The following RPL31 variants were observed in gnomAD, a reference collection of about 807,000 sequenced individuals.
The protein encoded by RPL31 is large ribosomal subunit protein eL31.
For synonymous variants in RPL31, 51 were observed against 55.0 expected, an observed-to-expected ratio of 0.93 and a Z score of 0.32; for missense variants, 95 against 164.0, an observed-to-expected ratio of 0.58 and a Z score of 2.30.
intron 3 of RPL31, chr2:101,005,607 T>G: frequency 4.2e-6 from 1 of 236,704 alleles, no homozygotes; most frequent in Non-Finnish European, 8.2e-6. Flanking sequence ...ACCATGCCGT[T>G]TCTTCATATT....
At chr2:101,008,061 T>C, downstream of RPL31, 7 of 1,613,942 alleles carry the variant, frequency 4.3e-6, no homozygotes, top group South Asian at 2.2e-5. Context: ...TCCCAGTGTC[T>C]GCAAAAACCG....
chr2:101,018,049 C>A (rs546308943), intron 4 of RPL31: 202 of 980,020 alleles, frequency 2.1e-4, no homozygotes, highest in Admixed American at 5.3e-4. Context: ...TTTTCACTGA[C>A]AAATGTAATG....
chr2:101,019,120 C>G, exon 5 of RPL31: 1 of 1,543,304 alleles, frequency 6.5e-7, no homozygotes, highest in Non-Finnish European at 8.8e-7. Flanking sequence ...CCTTTACAAC[C>G]AAGCTCACCG....
At chr2:101,004,562 G>A in intron 3 of RPL31, 2 of 443,318 alleles carry the variant, frequency 4.5e-6, no homozygotes, top group East Asian at 3.4e-5. Flanking sequence ...GCGGGGTGGT[G>A]AACGCAGGTA....
intron 4 of RPL31, among the ~76,000 whole-genome samples, chr2:101,013,784 T>C (rs910155039): frequency 1.3e-5 from 2 of 152,228 alleles, no homozygotes; most frequent in African/African-American, 4.8e-5. Flanking sequence ...AGAATTCACA[T>C]ATGGCTTTGA....
At chr2:101,017,709 T>C in intron 4 of RPL31, 1 of 774,868 alleles carries the variant, frequency 1.3e-6, no homozygotes, top group South Asian at 1.8e-5. Flanking sequence ...CTAACAGATA[T>C]CCATGGTACA....
intron 4 of RPL31, among the ~76,000 whole-genome samples, chr2:101,015,268 G>C (rs1464351297): frequency 1.3e-5 from 2 of 152,164 alleles, no homozygotes; most frequent in African/African-American, 2.4e-5. Context: ...TACCTGTATA[G>C]ACCACTTACT....
Position 101,006,472 on chromosome 2 carries a change from C to A in RPL31, c.*91C>A, listed in dbSNP as rs922011768. ...ACATAATGTACTTGTATACCCTATC[C>A]TAATTATGGGATCATTTGAAGAGCT... On this transcript the variant is annotated 3_prime_UTR_variant, in exon 5 of 5. Coordinates refer to ENST00000264258, the MANE Select transcript of RPL31 (RefSeq NM_000993.5). 1.3e-4 allele frequency: 159 copies of A among 1,203,280 alleles called. No individual in the cohort carries two copies. Among genetic ancestry groups the A allele is most frequent in the Non-Finnish European group, 1.8e-4 (151 of 860,326 alleles). The allele number at this position is 1,203,280 out of a possible 1,614,324, so 74.5% of individuals were successfully genotyped here.
intron 4 of RPL31, among the ~76,000 whole-genome samples, chr2:101,014,293 T>C (rs997513366): frequency 4.6e-5 from 7 of 152,152 alleles, no homozygotes; most frequent in African/African-American, 1.7e-4. Context: ...AAGGCCAGAA[T>C]AGATCTTTCA....
downstream of RPL31, among the ~76,000 whole-genome samples, chr2:101,010,159 G>T (rs1300712054): frequency 6.6e-6 from 1 of 152,118 alleles, no homozygotes; most frequent in Non-Finnish European, 1.5e-5. Context: ...TAAACATTGG[G>T]AGGAACCATT....
At chr2:101,014,644 CATT>C (rs1320270883) in intron 4 of RPL31, among the ~76,000 whole-genome samples, 4 of 152,202 alleles carry the variant, frequency 2.6e-5, no homozygotes, top group African/African-American at 9.7e-5. Context: ...GGGCCATTCC[CATT>C]ATTAGTTTGG....
intron 4 of RPL31, chr2:101,018,163 T>C (rs1192544373): frequency 2.3e-6 from 1 of 441,834 alleles, no homozygotes; most frequent in Non-Finnish European, 4.1e-6. Context: ...CAGATATTGC[T>C]GTACTAATCT....
chr2:101,008,122 G>A (rs376246458), downstream of RPL31: 2 of 1,613,860 alleles, frequency 1.2e-6, no homozygotes, highest in East Asian at 2.2e-5. Flanking sequence ...ACACTCCTGG[G>A]AGCAGCTTCC....
At chr2:101,018,873 A>G in intron 4 of RPL31, 1 of 1,238,754 alleles carries the variant, frequency 8.1e-7, no homozygotes, top group African/African-American at 1.5e-5. Flanking sequence ...ACTAAGCAAA[A>G]TGGCCAATAT....
downstream of RPL31, chr2:101,007,372 C>CA (rs1432915174): frequency 1.1e-4 from 17 of 157,778 alleles, no homozygotes; most frequent in Middle Eastern, 3.2e-3. Context: ...TGAAACAGTG[C>CA]AAAAAAAAGC....
In RPL31 at chr2:101,006,354, A is replaced by G. The variant is rs750021597; in HGVS notation, c.351A>G (p.Leu117=). The G allele has an allele frequency of 7.5e-6, 12 of 1,610,660 alleles. No individual in the cohort carries two copies. Among genetic ancestry groups the G allele is most frequent in the African/African-American group, 2.7e-5 (2 of 74,894 alleles). ...TYVPVTTFKN[L]QTVNVDEN Reference sequence around the variant, plus strand: ...TGACTGTTACTTCCTTTACAGATCTACAGACAGTCAATGTGGATGAGAACT... The same window carrying G: ...TGACTGTTACTTCCTTTACAGATCTGCAGACAGTCAATGTGGATGAGAACT... Residue 117 remains leucine (L), a synonymous_variant, in exon 5 of 5, where the codon CTA becomes CTG. Coordinates refer to ENST00000264258, the MANE Select transcript of RPL31 (RefSeq NM_000993.5).
At position 101,005,944 on chromosome 2, in the gene RPL31, T is replaced by G; in HGVS notation, c.234-15T>G. The G allele has an allele frequency of 6.2e-7, 1 of 1,608,544 alleles. No individual in the cohort carries two copies. Among genetic ancestry groups the G allele is most frequent in the Admixed American group, 1.7e-5 (1 of 59,922 alleles). ...GGAGGCATTGACTTCAGCAACACAA[T>G]TATGTTTTTATTAGGAATGTGCCAT... On this transcript the variant is annotated splice_polypyrimidine_tract_variant and intron_variant, in intron 3 of 4. Coordinates refer to ENST00000264258, the MANE Select transcript of RPL31 (RefSeq NM_000993.5).
chr2:101,010,891 A>C, downstream of RPL31: 1 of 1,576,526 alleles, frequency 6.3e-7, no homozygotes, highest in Non-Finnish European at 8.6e-7. Context: ...CAAAAAAAAA[A>C]AAAAAAGTTA....
chr2:101,017,559 G>A (rs1007679771), intron 4 of RPL31, among the ~76,000 whole-genome samples: 12 of 152,100 alleles, frequency 7.9e-5, no homozygotes, highest in Non-Finnish European at 1.8e-4. Flanking sequence ...TGCCCAGAAC[G>A]TCCCTATGTG....
Sources: allele counts gnomAD v4.1 joint callset (sites outside exome capture counted in the v4.1 genomes callset), GRCh38; gene constraint gnomAD v4.1.1; transcripts MANE v1.5; gene names NCBI Gene and HGNC (gene_info 2026-07-23, HGNC 2026-07-21).